DGKZ: variants seen among roughly 807,000 people sequenced by gnomAD.
The protein encoded by DGKZ is diacylglycerol kinase zeta, also known as DAG kinase zeta.
DGKZ carries 45 observed loss-of-function variants against 142.5 expected under a neutral mutation model. The observed-to-expected ratio is 0.32, with a 90% confidence interval of 0.25 to 0.40. The LOEUF is 0.40. DGKZ is among the 10% of genes least tolerant of loss of function. DGKZ has a pLI of 1.00. For missense variants in DGKZ, 755 were observed against 1,306.5 expected, an observed-to-expected ratio of 0.58 and a Z score of 6.51; for synonymous variants, 442 against 527.0, an observed-to-expected ratio of 0.84 and a Z score of 2.21.
At position 46,367,521 on chromosome 11, in the gene DGKZ, C is replaced by A; in HGVS notation, c.270+122C>A. ...GCCTGGAAGGGTTGGGACAGTGGGG[C>A]AGACGGAACAGAGCAGGGTCGATCG... On this transcript the variant is annotated intron_variant, in intron 2 of 30. Transcript: ENST00000527911. This position sits in a 1 kb window ranked among gnomAD's most constrained non-coding sequence, Gnocchi z 4.1. The A allele has an allele frequency of 7.7e-7, 1 of 1,303,230 alleles. No individual in the cohort carries two copies. Among genetic ancestry groups the A allele is most frequent in the Non-Finnish European group, 1.0e-6 (1 of 952,484 alleles). 80.7% of individuals were successfully genotyped at this position (1,303,230 alleles called of 1,614,324 possible). A position where few individuals can be genotyped will look rare whatever the true frequency, so the allele number is the denominator to read the frequency against.
At chr11:46,342,413 C>T (rs1484411258) in intron 1 of DGKZ, among the ~76,000 whole-genome samples, 2 of 152,220 alleles carry the variant, frequency 1.3e-5, no homozygotes, top group Non-Finnish European at 2.9e-5. Context: ...CCATTTCCTG[C>T]TCTCTGCAGC....
chr11:46,352,825 C>T (rs1376108662), intron 1 of DGKZ, among the ~76,000 whole-genome samples: 4 of 152,244 alleles, frequency 2.6e-5, no homozygotes, highest in African/African-American at 2.4e-5. Context: ...TGTTCCGTGT[C>T]GGGGTCAGCC....
In DGKZ at chr11:46,347,849, C is replaced by T. The variant is rs533818049; in HGVS notation, c.161+29C>T. ...AGCGGGGCGGCGGCGGGGCAGGCAC[C>T]GAGGCACCGGCAGGTTACCGCTCCC... On this transcript the variant is annotated intron_variant, in intron 1 of 30. Coordinates refer to ENST00000527911, the Ensembl canonical transcript of DGKZ. This position sits in a 1 kb window ranked among gnomAD's most constrained non-coding sequence, Gnocchi z 6.4. The T allele has an allele frequency of 3.1e-6, 4 of 1,275,008 alleles. No individual in the cohort carries two copies. In the South Asian group the frequency reaches 9.6e-5, roughly 31 times the overall value. 79.0% of individuals were successfully genotyped at this position (1,275,008 alleles called of 1,614,324 possible). A position where few individuals can be genotyped will look rare whatever the true frequency, so the allele number is the denominator to read the frequency against.
chr11:46,369,234 G>A, intron 4 of DGKZ: 1 of 562,930 alleles, frequency 1.8e-6, no homozygotes. Flanking sequence ...TAGTGGGGGA[G>A]ACGGACCCAA....
rs568681033 is a variant in DGKZ at position 46,372,923 on chromosome 11, C to T, written c.1186-38C>T. ...GGAGGGGGGTGCAGCTGGGGCCTCT[C>T]CAGCCACAGAGGGCTCAGTCCCTGC... On this transcript the variant is annotated intron_variant, in intron 13 of 30. Transcript: ENST00000527911. This position sits in a 1 kb window ranked among gnomAD's most constrained non-coding sequence, Gnocchi z 5.9. 1.9e-6 allele frequency: 3 copies of T among 1,555,962 alleles called. No individual in the cohort carries two copies. Among genetic ancestry groups the T allele is most frequent in the Admixed American group, 1.9e-5 (1 of 51,884 alleles).
At chr11:46,333,588 G>T (rs1590362019) in intron 1 of DGKZ, 3 of 1,171,568 alleles carry the variant, frequency 2.6e-6, no homozygotes, top group Admixed American at 2.1e-5. Flanking sequence ...CCTGCCTGGC[G>T]CTGGGAGTTT....
chr11:46,349,561 A>C (rs1166945040), intron 1 of DGKZ, among the ~76,000 whole-genome samples: 2 of 91,340 alleles, frequency 2.2e-5, no homozygotes, highest in Non-Finnish European at 4.3e-5. Flanking sequence ...TTTGTAAAAC[A>C]AAAAAAAACC....
chr11:46,367,896 A>AGGGGCTTTGTCCGGATGCCG lies in DGKZ; in HGVS notation c.367-104_367-103insGGCTTTGTCCGGATGCCGGG. 1 of 1,518,484 alleles carries AGGGGCTTTGTCCGGATGCCG rather than the reference A, an allele frequency of 6.6e-7. No homozygotes were observed. The highest frequency in any genetic ancestry group is 9.1e-7 in the Non-Finnish European group (1 of 1,095,060). 94.1% of individuals were successfully genotyped at this position (1,518,484 alleles called of 1,614,324 possible). A position where few individuals can be genotyped will look rare whatever the true frequency, so the allele number is the denominator to read the frequency against. ...GGTGCAGGGGCTTTGTCCGGATGCC[A>AGGGGCTTTGTCCGGATGCCG]GGACTGGGGCTTCCCAGTGCACACA... On this transcript the variant is annotated intron_variant, in intron 3 of 30. Coordinates refer to ENST00000527911, the Ensembl canonical transcript of DGKZ. The surrounding 1 kb of genome is among the most constrained non-coding windows in gnomAD (Gnocchi z 4.1).
Position 46,374,626 on chromosome 11 carries a change from T to C in DGKZ, c.1484T>C (p.Met495Thr), listed in dbSNP as rs1380701703. The change falls in exon 17 of 31, where the codon ATG (methionine) becomes ACG (threonine). Residue 495 changes from methionine (M) to threonine (T), a missense_variant. Physicochemically the swap from Met to Thr is moderately conservative, Grantham distance 81. Transcript: ENST00000527911. Reference sequence around the variant, plus strand: ...CAGACAGCTTTCTCTGACTTCCTGATGGGCAGCTCCAAGGACCTGGCCAAG... The same window carrying C: ...CAGACAGCTTTCTCTGACTTCCTGACGGGCAGCTCCAAGGACCTGGCCAAG... 1 of 1,571,752 alleles carries C rather than the reference T, an allele frequency of 6.4e-7. No individual in the cohort carries two copies. The highest frequency in any genetic ancestry group is 8.7e-7 in the Non-Finnish European group (1 of 1,155,886).
chr11:46,374,751 C>T lies in DGKZ; in HGVS notation c.1525-15C>T, dbSNP rs1340272325. 1.9e-6 allele frequency: 3 copies of T among 1,612,706 alleles called. No homozygotes were observed. In the South Asian group the frequency reaches 3.3e-5, roughly 18 times the overall value. ...CTGGCACATGCACCTCAACACCCTC[C>T]CCGCCCGCCTCCAGTGTGATGGAAT... On this transcript the variant is annotated splice_polypyrimidine_tract_variant and intron_variant, in intron 17 of 30. Coordinates refer to ENST00000527911, the Ensembl canonical transcript of DGKZ.
At chr11:46,336,380 T>C (rs1258809257) in intron 1 of DGKZ, among the ~76,000 whole-genome samples, 1 of 152,052 alleles carries the variant, frequency 6.6e-6, no homozygotes, top group Non-Finnish European at 1.5e-5. Flanking sequence ...AGAACTTCAA[T>C]GGGGTATGTC....
At chr11:46,338,099 A>T (rs1264589467) in intron 1 of DGKZ, among the ~76,000 whole-genome samples, 3 of 152,262 alleles carry the variant, frequency 2.0e-5, no homozygotes, top group Admixed American at 6.5e-5. Flanking sequence ...AAGAAGCGCC[A>T]GGGTTCTGCT....
At chr11:46,362,838 A>C (rs764197174) in intron 1 of DGKZ, among the ~76,000 whole-genome samples, 34 of 152,174 alleles carry the variant, frequency 2.2e-4, no homozygotes, top group Non-Finnish European at 4.1e-4. Flanking sequence ...CTGCAGCCAC[A>C]GCCACTGTCC....
chr11:46,372,951 G>T lies in DGKZ; in HGVS notation c.1186-10G>T. 6.5e-7 allele frequency: 1 copy of T among 1,549,898 alleles called. No homozygotes were observed. Among genetic ancestry groups the T allele is most frequent in the Non-Finnish European group, 8.7e-7 (1 of 1,145,830 alleles). Reference sequence around the variant, plus strand: ...GCCACAGAGGGCTCAGTCCCTGCCTGCTCCCCCAGGGCTACACAGATGAGC... The same window carrying T: ...GCCACAGAGGGCTCAGTCCCTGCCTTCTCCCCCAGGGCTACACAGATGAGC... On this transcript the variant is annotated splice_polypyrimidine_tract_variant and intron_variant, in intron 13 of 30. Coordinates refer to ENST00000527911, the Ensembl canonical transcript of DGKZ. The surrounding 1 kb of genome is among the most constrained non-coding windows in gnomAD (Gnocchi z 5.9).
intron 1 of DGKZ, among the ~76,000 whole-genome samples, chr11:46,339,594 G>A (rs1940178096): frequency 6.6e-6 from 1 of 152,228 alleles, no homozygotes; most frequent in African/African-American, 2.4e-5. Context: ...ACCTCATTTT[G>A]GCACAAGGAG....
At chr11:46,379,264 G>GCA in intron 29 of DGKZ, 28 bp downstream of exon 29, 1 of 1,612,956 alleles carries the variant, frequency 6.2e-7, no homozygotes. Flanking sequence ...GCAGAACCGT[G>GCA]GTCACCCCGG....
At chr11:46,374,029 T>C (rs567696996) in intron 14 of DGKZ, 128 bp from the exon 15 acceptor site, 3 of 975,642 alleles carry the variant, frequency 3.1e-6, no homozygotes, top group Admixed American at 4.1e-5. Flanking sequence ...GGCTGAGCCC[T>C]AGCGGACGCT....
In DGKZ at chr11:46,335,427, G is replaced by GCACA. The variant is rs56935902; in HGVS notation, c.212+1964_212+1967dup. On this transcript the variant is annotated intron_variant, in intron 1 of 30. Coordinates refer to the DGKZ transcript ENST00000343674. ...GATAGAAAATGTTGCACACGTGCAC[G>GCACA]CACACACACACACACACACACACAC... 4.0e-3 allele frequency among the ~76,000 whole-genome samples: 597 copies of GCACA among 147,924 alleles called. 2 individuals are homozygous for GCACA. The highest frequency in any genetic ancestry group is 0.013 in the African/African-American group (539 of 40,680).
chr11:46,344,375 ATAAG>A (rs554015237), upstream of DGKZ, among the ~76,000 whole-genome samples: 279 of 152,184 alleles, frequency 1.8e-3, no homozygotes, highest in Non-Finnish European at 3.2e-3. Context: ...AAGGCATTCA[ATAAG>A]TATTTATTGA....
Sources: gnomAD v4.1 joint callset for allele counts (sites outside exome capture counted in the v4.1 genomes callset) on GRCh38, gnomAD v4.1.1 for gene constraint, Gnocchi (gnomAD v3.1) non-coding constraint, MANE v1.5 for transcripts, NCBI Gene and HGNC (gene_info 2026-07-23, HGNC 2026-07-21) for gene names.